RNF150: variants seen among roughly 807,000 people sequenced by gnomAD.
The protein encoded by RNF150 is ring finger protein 150.
Under a neutral mutation model 39.3 loss-of-function variants are expected in RNF150, and 24 were observed. The observed-to-expected ratio is 0.61, with a 90% CI of 0.44 to 0.86. The LOEUF is 0.86. Among genes scored for constraint, RNF150 ranks in the 40% least tolerant of loss-of-function variants. RNF150 has a pLI of 0.00. For synonymous variants in RNF150, 255 were observed against 227.3 expected (o/e 1.12, Z -1.10); for missense variants, 502 against 587.8 (o/e 0.85, Z 1.51).
chr4:140,999,991 GAAAA>G (rs1215273038), intron 1 of RNF150, among the ~76,000 whole-genome samples: 1 of 31,678 alleles, frequency 3.2e-5, no homozygotes, highest in Non-Finnish European at 7.2e-5. Flanking sequence ...AAGAAAAGAA[GAAAA>G]GAAGAAGAAG....
chr4:140,945,156 A>T (rs922590676), intron 4 of RNF150, among the ~76,000 whole-genome samples: 4 of 152,206 alleles, frequency 2.6e-5, no homozygotes, highest in Non-Finnish European at 5.9e-5. Flanking sequence ...AATATGAAAC[A>T]AAATCAAGGA....
In RNF150 at chr4:141,109,985, GC is replaced by G. The variant is rs756936599; in HGVS notation, c.484+22339del. Among the ~76,000 whole-genome samples, 91 of 152,252 alleles carry G rather than the reference GC, an allele frequency of 6.0e-4. 1 individual carries two copies. The highest frequency in any genetic ancestry group is 2.4e-3 in the Admixed American group (37 of 15,278). ...GGGGAGAAACAAATTGGAGTTCAGG[GC>G]TATCAAAGTTGCCAGGATATGAGAG... On this transcript the variant is annotated intron_variant, in intron 1 of 6. Coordinates refer to ENST00000515673, the MANE Select transcript of RNF150 (RefSeq NM_020724.2).
In RNF150 at chr4:141,133,297, C is replaced by A. The variant is rs1726958179; in HGVS notation, c.-489G>T. 1 of 165,482 alleles carries A rather than the reference C, an allele frequency of 6.0e-6. No individual in the cohort carries two copies. The highest frequency in any genetic ancestry group is 2.4e-5 in the African/African-American group (1 of 41,512). 10.3% of individuals were successfully genotyped at this position (165,482 alleles called of 1,614,324 possible). The stretch of plus-strand genomic sequence containing the variant: ...CCACTGAGCGCTGGGGCGCGCGAAT[C>A]CAGCTGCAGCCGCTGCTGCCCTGCG... On this transcript the variant is annotated 5_prime_UTR_variant, in exon 1 of 7. Coordinates refer to ENST00000515673, the MANE Select transcript of RNF150 (RefSeq NM_020724.2).
At chr4:141,164,067 C>G (rs1005956632) in intron 1 of RNF150, among the ~76,000 whole-genome samples, 1 of 151,524 alleles carries the variant, frequency 6.6e-6, no homozygotes, top group Non-Finnish European at 1.5e-5. Flanking sequence ...TAAAACGTTA[C>G]AGGAACTGAT....
At chr4:141,001,962 A>G (rs1459865679) in intron 1 of RNF150, among the ~76,000 whole-genome samples, 3 of 152,144 alleles carry the variant, frequency 2.0e-5, no homozygotes, top group African/African-American at 7.2e-5. Flanking sequence ...ACTCACTTTT[A>G]CTTTCATATC....
At chr4:141,019,321 G>T in intron 1 of RNF150, among the ~76,000 whole-genome samples, 1 of 151,830 alleles carries the variant, frequency 6.6e-6, no homozygotes, top group East Asian at 1.9e-4. Context: ...AGGTATTTGT[G>T]TCTGATACCT....
chr4:141,044,737 T>C (rs376837333), intron 1 of RNF150, among the ~76,000 whole-genome samples: 39 of 151,432 alleles, frequency 2.6e-4, no homozygotes, highest in African/African-American at 9.2e-4. Context: ...CTACACATGT[T>C]GGAGTAAAGA....
chr4:140,914,046 A>T (rs1227554239), intron 5 of RNF150, among the ~76,000 whole-genome samples: 1 of 152,222 alleles, frequency 6.6e-6, no homozygotes, highest in African/African-American at 2.4e-5. Flanking sequence ...CATATGCAAT[A>T]ATAATGGACA....
chr4:140,958,345 TCA>T, intron 2 of RNF150, among the ~76,000 whole-genome samples: 1 of 152,116 alleles, frequency 6.6e-6, no homozygotes, highest in Admixed American at 6.6e-5. Flanking sequence ...GGGCCAGCGC[TCA>T]GTGTTGAATG....
At chr4:141,090,786 A>ATGATGGC (rs1738549947) in intron 1 of RNF150, among the ~76,000 whole-genome samples, 1 of 152,216 alleles carries the variant, frequency 6.6e-6, no homozygotes, top group African/African-American at 2.4e-5. Flanking sequence ...CTTTTCAGGA[A>ATGATGGC]CGATGGCCAA....
intron 1 of RNF150, among the ~76,000 whole-genome samples, chr4:141,143,160 G>A (rs1486501159): frequency 2.6e-5 from 4 of 152,122 alleles, no homozygotes; most frequent in South Asian, 4.2e-4. Flanking sequence ...GTGAGCCACC[G>A]CGCCTGGTCA....
chr4:140,929,720 T>A (rs142343498), intron 4 of RNF150, among the ~76,000 whole-genome samples: 15 of 152,248 alleles, frequency 9.9e-5, no homozygotes, highest in African/African-American at 3.4e-4. Flanking sequence ...AGTTCTTCAA[T>A]TGACACAAGT....
At chr4:141,134,836 T>G (rs72724492), upstream of RNF150, among the ~76,000 whole-genome samples, 23,958 of 152,252 alleles carry the variant, frequency 0.16, 2,501 homozygotes, top group Non-Finnish European at 0.24. Flanking sequence ...AGGAGTCCAC[T>G]GCTAGAAACC....
chr4:141,108,912 C>G (rs751977046), intron 1 of RNF150, among the ~76,000 whole-genome samples: 4 of 152,192 alleles, frequency 2.6e-5, no homozygotes, highest in Non-Finnish European at 5.9e-5. Flanking sequence ...TGAAATTTCA[C>G]TGGGGTTCAA....
intron 1 of RNF150, among the ~76,000 whole-genome samples, chr4:140,994,140 G>T (rs1045518284): frequency 6.6e-6 from 1 of 152,156 alleles, no homozygotes; most frequent in African/African-American, 2.4e-5. Flanking sequence ...AGAACTGCTC[G>T]TGGAAGGAAT....
intron 1 of RNF150, among the ~76,000 whole-genome samples, chr4:141,091,587 G>C (rs1213265275): frequency 6.6e-6 from 1 of 152,152 alleles, no homozygotes; most frequent in Non-Finnish European, 1.5e-5. Flanking sequence ...CCTTTTCACT[G>C]AAGGAAAGCA....
chr4:141,160,848 T>C (rs114929757), intron 1 of RNF150, among the ~76,000 whole-genome samples: 2,391 of 152,354 alleles, frequency 0.016, 64 homozygotes, highest in African/African-American at 0.054. Flanking sequence ...GCATCATGCT[T>C]CCTCTACAAT....
At chr4:140,936,512 T>C (rs967193095) in intron 4 of RNF150, among the ~76,000 whole-genome samples, 1 of 152,144 alleles carries the variant, frequency 6.6e-6, no homozygotes, top group Non-Finnish European at 1.5e-5. Flanking sequence ...CAGCATAAAT[T>C]TTCATATAAA....
At chr4:141,148,794 A>G (rs567363840) in intron 1 of RNF150, among the ~76,000 whole-genome samples, 1 of 152,186 alleles carries the variant, frequency 6.6e-6, no homozygotes, top group East Asian at 1.9e-4. Flanking sequence ...CCAGGTATTA[A>G]AACTGTCTAA....
Sources: gnomAD v4.1 joint callset for allele counts (sites outside exome capture counted in the v4.1 genomes callset) on GRCh38, gnomAD v4.1.1 for gene constraint, MANE v1.5 for transcripts, NCBI Gene and HGNC (gene_info 2026-07-23, HGNC 2026-07-21) for gene names.